The following CSMD3 variants were observed in gnomAD, a reference collection of about 807,000 sequenced individuals.
CSMD3 encodes CUB and sushi domain-containing protein 3.
Under a neutral mutation model 435.2 loss-of-function variants are expected in CSMD3, and 177 were observed. The observed-to-expected ratio is 0.41, with a 90% confidence interval of 0.36 to 0.46. The LOEUF is 0.46. Among genes scored for constraint, CSMD3 ranks in the 20% least tolerant of loss-of-function variants. The pLI is 0.34. For missense variants in CSMD3, 4,265 were observed against 4,504.6 expected, an observed-to-expected ratio of 0.95 and a Z score of 1.52; for synonymous variants, 1,656 against 1,520.5, an observed-to-expected ratio of 1.09 and a Z score of -2.07.
At chr8:113,093,282 G>A (rs2090062792) in intron 5 of CSMD3, among the ~76,000 whole-genome samples, 1 of 151,842 alleles carries the variant, frequency 6.6e-6, no homozygotes, top group South Asian at 2.1e-4. Flanking sequence ...AGAAACAAAA[G>A]ATGAGAAAAA....
intron 22 of CSMD3, among the ~76,000 whole-genome samples, chr8:112,616,905 AG>A (rs2131496826): frequency 6.6e-6 from 1 of 152,302 alleles, no homozygotes; most frequent in South Asian, 2.1e-4. Flanking sequence ...TACCTTTAAG[AG>A]GGAAAATGTG....
intron 3 of CSMD3, among the ~76,000 whole-genome samples, chr8:113,260,606 C>T (rs1055402926): frequency 3.3e-5 from 5 of 151,998 alleles, no homozygotes; most frequent in South Asian, 2.1e-4. Context: ...ATAAAATCTC[C>T]GAATCCTTTT....
intron 8 of CSMD3, among the ~76,000 whole-genome samples, chr8:112,953,726 TATAG>T (rs775825994): frequency 6.6e-5 from 10 of 151,560 alleles, no homozygotes; most frequent in Non-Finnish European, 1.0e-4. Flanking sequence ...TCAATAAACA[TATAG>T]ATAAAGTCCT....
Position 112,659,956 on chromosome 8 carries a change from C to T in CSMD3, c.2817-3615G>A, listed in dbSNP as rs904726042. 3.9e-5 allele frequency among the ~76,000 whole-genome samples: 6 copies of T among 152,138 alleles called. No homozygotes were observed. The East Asian group carries it at 1.2e-3, about 29-fold the overall frequency. On this transcript the variant is annotated intron_variant, in intron 17 of 70. Coordinates refer to ENST00000297405, the MANE Select transcript of CSMD3 (RefSeq NM_198123.2). ...CATTTGAGAATATAGAAAAAAACTA[C>T]AAAATAGCTATGCCACCATGTTAAA...
chr8:113,294,750 T>C (rs55812954), intron 2 of CSMD3, among the ~76,000 whole-genome samples: 1,749 of 152,220 alleles, frequency 0.011, 19 homozygotes, highest in Non-Finnish European at 0.018. Flanking sequence ...TATTTGACTG[T>C]GAAAAAAAAT....
At chr8:113,110,993 G>C (rs1360073992) in intron 4 of CSMD3, among the ~76,000 whole-genome samples, 1 of 151,988 alleles carries the variant, frequency 6.6e-6, no homozygotes, top group African/African-American at 2.4e-5. Context: ...ATTTTATAAG[G>C]GCACTATTCC....
chr8:113,108,486 A>C (rs1216547409), intron 4 of CSMD3, among the ~76,000 whole-genome samples: 1 of 151,634 alleles, frequency 6.6e-6, no homozygotes, highest in Non-Finnish European at 1.5e-5. Context: ...GAAAATCTCT[A>C]CCTCTGTTCA....
chr8:112,716,790 ATCT>A (rs1159400754), intron 13 of CSMD3, among the ~76,000 whole-genome samples: 1 of 152,162 alleles, frequency 6.6e-6, no homozygotes, highest in African/African-American at 2.4e-5. Context: ...CAACCATCTG[ATCT>A]TCTACAAACA....
chr8:113,129,699 G>A (rs2091235146), intron 4 of CSMD3, among the ~76,000 whole-genome samples: 1 of 152,084 alleles, frequency 6.6e-6, no homozygotes, highest in Admixed American at 6.6e-5. Context: ...ATCCCAAGGA[G>A]GATTCATAGA....
rs1052541403 is a variant in CSMD3 at position 112,255,562 on chromosome 8, A to T, written c.9863-135T>A. 3.6e-5 allele frequency: 28 copies of T among 787,986 alleles called. No homozygotes were observed. The South Asian group carries it at 4.6e-4, about 13-fold the overall frequency. The allele number at this position is 787,986 out of a possible 1,614,324, so 48.8% of individuals were successfully genotyped here. Reference sequence around the variant, plus strand: ...ATTCATGATAAAGCTATCCCAATGAAAAAATTTATTTTTTAGCTTATGTGC... The same window carrying T: ...ATTCATGATAAAGCTATCCCAATGATAAAATTTATTTTTTAGCTTATGTGC... On this transcript the variant is annotated intron_variant, in intron 61 of 70. Coordinates refer to ENST00000297405, the MANE Select transcript of CSMD3 (RefSeq NM_198123.2).
intron 24 of CSMD3, among the ~76,000 whole-genome samples, chr8:112,569,747 G>C (rs1262219025): frequency 6.6e-6 from 1 of 152,138 alleles, no homozygotes; most frequent in Admixed American, 6.6e-5. Context: ...AGATACGTGG[G>C]ATTAATCTGA....
chr8:112,796,143 T>C (rs1236775656), intron 13 of CSMD3, among the ~76,000 whole-genome samples: 2 of 152,104 alleles, frequency 1.3e-5, no homozygotes, highest in East Asian at 3.9e-4. Flanking sequence ...GATTAGGGTT[T>C]CCAGCTTTTC....
intron 18 of CSMD3, 102 bp downstream of exon 18, chr8:112,656,052 A>G: frequency 1.5e-6 from 1 of 679,530 alleles, no homozygotes. Context: ...GAAAGCTTTG[A>G]TTTAAAATAA....
intron 38 of CSMD3, among the ~76,000 whole-genome samples, chr8:112,368,227 C>A (rs1827974816): frequency 6.6e-6 from 1 of 152,100 alleles, no homozygotes; most frequent in Non-Finnish European, 1.5e-5. Flanking sequence ...CTGACTCTAC[C>A]ACCAGTAACC....
At chr8:112,345,787 C>CAA (rs1825607563) in intron 41 of CSMD3, among the ~76,000 whole-genome samples, 2 of 151,676 alleles carry the variant, frequency 1.3e-5, no homozygotes, top group African/African-American at 2.4e-5. Flanking sequence ...AAAATGTATA[C>CAA]AAATTTCAAA....
chr8:113,333,673 G>T (rs767777781), intron 1 of CSMD3, among the ~76,000 whole-genome samples: 3 of 151,696 alleles, frequency 2.0e-5, no homozygotes, highest in Non-Finnish European at 4.4e-5. Context: ...CTTGATTATT[G>T]TAACTACATA....
intron 10 of CSMD3, among the ~76,000 whole-genome samples, chr8:112,895,752 C>A (rs1455288007): frequency 1.3e-5 from 2 of 151,360 alleles, no homozygotes; most frequent in Non-Finnish European, 3.0e-5. Flanking sequence ...GATGGTGAGA[C>A]ATCCTAGAGA....
intron 5 of CSMD3, among the ~76,000 whole-genome samples, chr8:113,074,197 T>C (rs1202171872): frequency 6.6e-6 from 1 of 151,306 alleles, no homozygotes; most frequent in African/African-American, 2.4e-5. Context: ...ACACGCCACC[T>C]TGCTTTCTGT....
chr8:112,448,536 G>T (rs1329304247), intron 32 of CSMD3, among the ~76,000 whole-genome samples: 1 of 152,156 alleles, frequency 6.6e-6, no homozygotes, highest in East Asian at 1.9e-4. Flanking sequence ...GCTAAGGACA[G>T]CCAGCAAGCA....
Sources: allele counts gnomAD v4.1 joint callset (sites outside exome capture counted in the v4.1 genomes callset), GRCh38; gene constraint gnomAD v4.1.1; transcripts MANE v1.5; gene names NCBI Gene and HGNC (gene_info 2026-07-23, HGNC 2026-07-21).